The following NUDT21 variants were observed in gnomAD, a reference collection of about 807,000 sequenced individuals.
The protein encoded by NUDT21 is nudix hydrolase 21, also known as cleavage and polyadenylation specificity factor subunit 5.
Under a neutral mutation model 29.8 loss-of-function variants are expected in NUDT21, and 5 were observed. That is an observed-to-expected ratio of 0.17 (90% CI 0.09 to 0.35). The LOEUF is 0.35. Ranked by LOEUF, NUDT21 falls within the 10% of genes least tolerant of loss-of-function variation. The pLI is 1.00. For missense variants in NUDT21, 76 were observed against 276.0 expected (o/e 0.28, Z 5.13); for synonymous variants, 113 against 98.5 (o/e 1.15, Z -0.87).
chr16:56,450,396 C>T (rs1962278279), intron 1 of NUDT21, among the ~76,000 whole-genome samples: 1 of 152,186 alleles, frequency 6.6e-6, no homozygotes. Flanking sequence ...AATGGGTTTT[C>T]TGGTACAAAC....
chr16:56,451,012 A>G, intron 1 of NUDT21, 75 bp downstream of exon 1: 1 of 1,311,378 alleles, frequency 7.6e-7, no homozygotes, highest in Middle Eastern at 1.9e-4. Flanking sequence ...AGCGCGCCGA[A>G]AAGCCGGGGG....
chr16:56,444,397 G>C (rs1163014085), intron 3 of NUDT21, among the ~76,000 whole-genome samples: 1 of 151,496 alleles, frequency 6.6e-6, no homozygotes. Flanking sequence ...CAACCTGGCC[G>C]ACACGGTGAA....
rs1962008043 is a variant in NUDT21 at position 56,429,509 on chromosome 16, A to G, written c.*3203T>C. The G allele has an allele frequency of 6.6e-6, 1 of 152,230 alleles. No homozygotes were observed. The highest frequency in any genetic ancestry group is 1.5e-5 in the Non-Finnish European group (1 of 68,042). The allele number at this position is 152,230 out of a possible 1,614,324, so 9.4% of individuals were successfully genotyped here. A position where few individuals can be genotyped will look rare whatever the true frequency, so the allele number is the denominator to read the frequency against. On this transcript the variant is annotated 3_prime_UTR_variant, in exon 7 of 7. Coordinates refer to ENST00000300291, the MANE Select transcript of NUDT21 (RefSeq NM_007006.3). Reference sequence around the variant, plus strand: ...TAGTAAGTTTTTTTCCACAAAAACAAGCTTAATAACTATAATACAAGCTAA... The same window carrying G: ...TAGTAAGTTTTTTTCCACAAAAACAGGCTTAATAACTATAATACAAGCTAA...
intron 4 of NUDT21, among the ~76,000 whole-genome samples, chr16:56,437,705 T>G (rs79477131): frequency 0.013 from 1,970 of 152,308 alleles, 41 homozygotes; most frequent in African/African-American, 0.043. Flanking sequence ...TAACATGCCC[T>G]GTCTTACTTC....
At position 56,430,122 on chromosome 16, in the gene NUDT21, T is replaced by C. The variant is rs1418467239; in HGVS notation, c.*2590A>G. 1.3e-5 allele frequency: 2 copies of C among 152,166 alleles called. No homozygotes were observed. Among genetic ancestry groups the C allele is most frequent in the Non-Finnish European group, 2.9e-5 (2 of 68,004 alleles). 9.4% of individuals were successfully genotyped at this position (152,166 alleles called of 1,614,324 possible). A position where few individuals can be genotyped will look rare whatever the true frequency, so the allele number is the denominator to read the frequency against. ...TAAGTGAATGCTATTTATAAGACAA[T>C]AAAAAGTTTTAAAATCTTCCAAATG... On this transcript the variant is annotated 3_prime_UTR_variant, in exon 7 of 7. Coordinates refer to ENST00000300291, the MANE Select transcript of NUDT21 (RefSeq NM_007006.3).
At chr16:56,436,278 G>T (rs1220145609) in intron 4 of NUDT21, among the ~76,000 whole-genome samples, 3 of 152,064 alleles carry the variant, frequency 2.0e-5, no homozygotes, top group African/African-American at 7.2e-5. Flanking sequence ...CCAAAAGGAG[G>T]TATTAGCATC....
intron 3 of NUDT21, among the ~76,000 whole-genome samples, chr16:56,443,156 G>A (rs1446071135): frequency 6.6e-6 from 1 of 151,962 alleles, no homozygotes; most frequent in Non-Finnish European, 1.5e-5. Context: ...GTGTGCATGA[G>A]TGATAGGACT....
intron 3 of NUDT21, among the ~76,000 whole-genome samples, chr16:56,441,209 T>C (rs1424505677): frequency 2.0e-5 from 3 of 151,888 alleles, no homozygotes; most frequent in African/African-American, 7.3e-5. Flanking sequence ...AAAATATTCT[T>C]TTATGACAGT....
At position 56,444,607 on chromosome 16, in the gene NUDT21, A is replaced by T. The variant is rs533222593; in HGVS notation, c.381+2019T>A. 4.9e-3 allele frequency among the ~76,000 whole-genome samples: 743 copies of T among 150,188 alleles called. 6 individuals are homozygous for T. Among genetic ancestry groups the T allele is most frequent in the African/African-American group, 0.017 (710 of 40,790 alleles). ...AAGAGTGAAACTCCGCCTCAAAAAAAAAAAAACAAAAACAAAAAAAAAAAA... is the reference window on the plus strand; with the variant it reads ...AAGAGTGAAACTCCGCCTCAAAAAATAAAAAACAAAAACAAAAAAAAAAAA... On this transcript the variant is annotated intron_variant, in intron 3 of 6. Coordinates refer to ENST00000300291, the MANE Select transcript of NUDT21 (RefSeq NM_007006.3).
At chr16:56,446,885 T>C (rs936794535) in intron 2 of NUDT21, 196 bp from the exon 3 acceptor site, 1 of 443,570 alleles carries the variant, frequency 2.3e-6, no homozygotes, top group South Asian at 4.9e-5. Context: ...ATACAAACCC[T>C]AGGTTTTTTT....
intron 4 of NUDT21, among the ~76,000 whole-genome samples, chr16:56,438,539 G>A (rs543781421): frequency 1.3e-5 from 2 of 152,298 alleles, no homozygotes; most frequent in South Asian, 4.1e-4. Context: ...GCCTAAGCCA[G>A]AACCACCCTA....
chr16:56,450,147 G>C (rs746521792), intron 1 of NUDT21, among the ~76,000 whole-genome samples: 9 of 152,104 alleles, frequency 5.9e-5, no homozygotes, highest in Non-Finnish European at 8.8e-5. Context: ...CCTTGCACTT[G>C]TACCCTGACT....
rs1962030242 is a variant in NUDT21, at chr16:56,431,248, G to A, written c.*1464C>T. 1 of 152,166 alleles carries A rather than the reference G, an allele frequency of 6.6e-6. No homozygotes were observed. 9.4% of individuals were successfully genotyped at this position (152,166 alleles called of 1,614,324 possible). A position where few individuals can be genotyped will look rare whatever the true frequency, so the allele number is the denominator to read the frequency against. On this transcript the variant is annotated 3_prime_UTR_variant, in exon 7 of 7. Transcript: ENST00000300291. ...TAGGCTAGAGGGGTAGGACTGTTAG[G>A]GGCAGGAGGGAAAAGGACAATTCAC...
chr16:56,436,186 G>A (rs372446141), intron 4 of NUDT21, among the ~76,000 whole-genome samples: 1 of 151,930 alleles, frequency 6.6e-6, no homozygotes, highest in South Asian at 2.1e-4. Context: ...TACTTTTGCT[G>A]TTGGAGTTGT....
chr16:56,448,559 T>A (rs972536664), intron 1 of NUDT21, among the ~76,000 whole-genome samples: 4 of 152,196 alleles, frequency 2.6e-5, no homozygotes. Flanking sequence ...CTAAACCTAT[T>A]TACTAGCCTT....
chr16:56,450,953 G>A, intron 1 of NUDT21, 134 bp downstream of exon 1: 1 of 676,374 alleles, frequency 1.5e-6, no homozygotes. Flanking sequence ...AGGGAGGAAG[G>A]CGCGCATCCG....
At position 56,443,584 on chromosome 16, in the gene NUDT21, G is replaced by C. The variant is rs184178378; in HGVS notation, c.381+3042C>G. 4.6e-5 allele frequency among the ~76,000 whole-genome samples: 7 copies of C among 152,328 alleles called. No individual in the cohort carries two copies. The East Asian group carries it at 1.3e-3, about 29-fold the overall frequency. On this transcript the variant is annotated intron_variant, in intron 3 of 6. Coordinates refer to ENST00000300291, the MANE Select transcript of NUDT21 (RefSeq NM_007006.3). ...ATCCCCAATGTGACAGTGTTGGCAG[G>C]CAGGGCCTAGTGGAAGGTGTTTGAG...
chr16:56,437,024 T>C (rs919150052), intron 4 of NUDT21, among the ~76,000 whole-genome samples: 5 of 152,144 alleles, frequency 3.3e-5, no homozygotes, highest in Non-Finnish European at 7.4e-5. Context: ...CAAAAAAAAG[T>C]TTAGAATAAC....
At chr16:56,433,675 A>G (rs1489141282) in intron 6 of NUDT21, among the ~76,000 whole-genome samples, 1 of 152,180 alleles carries the variant, frequency 6.6e-6, no homozygotes, top group African/African-American at 2.4e-5. Context: ...ACACCAAGAT[A>G]TTCGATTTGC....
Sources: gnomAD v4.1 joint callset for allele counts (sites outside exome capture counted in the v4.1 genomes callset) on GRCh38, gnomAD v4.1.1 for gene constraint, MANE v1.5 for transcripts, NCBI Gene and HGNC (gene_info 2026-07-23, HGNC 2026-07-21) for gene names.